DCAF1: variants seen among roughly 807,000 people sequenced by gnomAD.
DCAF1 encodes the protein DDB1 and CUL4 associated factor 1.
Under a neutral mutation model 128.0 loss-of-function variants are expected in DCAF1, and 15 were observed. The ratio of observed to expected loss-of-function variants is 0.12; its 90% CI spans 0.08 to 0.18. The LOEUF is 0.18. DCAF1 is among the 10% of genes least tolerant of loss of function. The probability of loss-of-function intolerance (pLI) is 1.00; values close to 1 mark genes in which losing one functional copy is unlikely to be tolerated. For missense variants in DCAF1, 988 were observed against 1,649.5 expected (o/e 0.60, Z 6.95); for synonymous variants, 610 against 603.0 (o/e 1.01, Z -0.17).
intron 24 of DCAF1, among the ~76,000 whole-genome samples, chr3:51,400,856 G>A (rs373631249): frequency 4.6e-5 from 7 of 152,172 alleles, no homozygotes; most frequent in South Asian, 2.1e-4. Context: ...GAATCAGGCC[G>A]GGTGCAGTGG....
At chr3:51,478,030 CAG>C (rs762305088) in intron 3 of DCAF1, among the ~76,000 whole-genome samples, 2 of 152,176 alleles carry the variant, frequency 1.3e-5, no homozygotes, top group South Asian at 2.1e-4. Context: ...GTTGTTGAGA[CAG>C]AGTCTCTCTT....
chr3:51,496,381 C>T (rs1264350636), intron 2 of DCAF1, among the ~76,000 whole-genome samples: 2 of 151,996 alleles, frequency 1.3e-5, no homozygotes, highest in African/African-American at 2.4e-5. Flanking sequence ...GAGCCGAGAT[C>T]GCGCCACTGC....
chr3:51,429,565 T>G, intron 11 of DCAF1, 95 bp from the exon 12 acceptor site: 1 of 695,176 alleles, frequency 1.4e-6, no homozygotes, highest in East Asian at 2.7e-5. Flanking sequence ...TAGTAAACTT[T>G]TTTTACTTTC....
At chr3:51,442,707 GAAA>G (rs1371321307) in intron 7 of DCAF1, among the ~76,000 whole-genome samples, 1 of 144,512 alleles carries the variant, frequency 6.9e-6, no homozygotes. Flanking sequence ...CTCAAAAAAA[GAAA>G]AAAAAAAGAG....
intron 5 of DCAF1, among the ~76,000 whole-genome samples, chr3:51,465,941 G>A (rs893720112): frequency 4.6e-5 from 7 of 152,176 alleles, no homozygotes; most frequent in Non-Finnish European, 8.8e-5. Context: ...GTTCACGTCT[G>A]TAATCCCAGC....
chr3:51,409,598 T>G (rs1316263245), intron 23 of DCAF1, among the ~76,000 whole-genome samples: 1 of 152,190 alleles, frequency 6.6e-6, no homozygotes, highest in Non-Finnish European at 1.5e-5. Context: ...GAACTGATAC[T>G]TGGTAGTGAT....
Position 51,456,671 on chromosome 3 carries a change from G to A in DCAF1, c.375+6443C>T, listed in dbSNP as rs556652617. ...AACTGGGAGGCACCCCCCAGTAGGG[G>A]CGGACTGACACCTCACACGGCTGGG... On this transcript the variant is annotated intron_variant, in intron 6 of 24. Coordinates refer to ENST00000684031, the MANE Select transcript of DCAF1 (RefSeq NM_001387579.1). Among the ~76,000 whole-genome samples, 4 of 152,310 alleles carry A rather than the reference G, an allele frequency of 2.6e-5. No homozygotes were observed. The South Asian group carries it at 8.3e-4, about 32-fold the overall frequency.
chr3:51,430,823 GATAA>G (rs1700304947), intron 10 of DCAF1, among the ~76,000 whole-genome samples: 1 of 152,224 alleles, frequency 6.6e-6, no homozygotes, highest in Admixed American at 6.5e-5. Context: ...AATAAGCAAA[GATAA>G]ATAATGTCAT....
chr3:51,477,757 A>C (rs1281778240), intron 3 of DCAF1, among the ~76,000 whole-genome samples: 2 of 152,180 alleles, frequency 1.3e-5, no homozygotes, highest in African/African-American at 4.8e-5. Flanking sequence ...CAAATAAGGA[A>C]GGTGAAGTTC....
chr3:51,436,505 G>A (rs930966535), intron 9 of DCAF1: 14 of 493,320 alleles, frequency 2.8e-5, no homozygotes, highest in East Asian at 2.8e-4. Flanking sequence ...ATTTTATGCA[G>A]CAGGGTGAAA....
At chr3:51,400,026 G>A (rs570032450) in intron 24 of DCAF1, among the ~76,000 whole-genome samples, 1 of 152,280 alleles carries the variant, frequency 6.6e-6, no homozygotes, top group African/African-American at 2.4e-5. Flanking sequence ...AAACTGAAGT[G>A]GACAAAGGAA....
At chr3:51,479,866 A>T (rs946587850) in intron 3 of DCAF1, among the ~76,000 whole-genome samples, 4 of 152,006 alleles carry the variant, frequency 2.6e-5, no homozygotes, top group Non-Finnish European at 5.9e-5. Context: ...AAATACATAC[A>T]TATGAATGAC....
chr3:51,411,766 A>T (rs1475027392), intron 23 of DCAF1, among the ~76,000 whole-genome samples: 1 of 152,080 alleles, frequency 6.6e-6, no homozygotes, highest in Admixed American at 6.6e-5. Context: ...ACATTGGGAG[A>T]TGCTTATCTG....
At chr3:51,431,618 G>T (rs551109467) in intron 10 of DCAF1, among the ~76,000 whole-genome samples, 95 of 152,054 alleles carry the variant, frequency 6.2e-4, no homozygotes, top group Middle Eastern at 6.8e-3. Flanking sequence ...GAACAGTTGG[G>T]ATGGTTTTAT....
intron 3 of DCAF1, among the ~76,000 whole-genome samples, chr3:51,482,828 T>C (rs1553653447): frequency 6.6e-6 from 1 of 150,670 alleles, no homozygotes; most frequent in African/African-American, 2.4e-5. Flanking sequence ...TAATTTTTTT[T>C]ATTTTTATTT....
Position 51,418,839 on chromosome 3 carries a change from C to T in DCAF1, c.3274G>A (p.Asp1092Asn). 1 of 1,613,784 alleles carries T rather than the reference C, an allele frequency of 6.2e-7. No individual in the cohort carries two copies. The highest frequency in any genetic ancestry group is 1.1e-5 in the South Asian group (1 of 91,052). The change falls in exon 16 of 25, where the codon GAT becomes AAT. Residue 1092 changes from aspartate to asparagine, a missense_variant. Coordinates refer to ENST00000684031, the MANE Select transcript of DCAF1 (RefSeq NM_001387579.1). ...GCACAGCAGGTGAAGCCACTCTCAT[C>T]TTCATTGGCTTCCCGGAACACTGAA... ...PISVFREANE[D>N]ESGFTCCAFS...
At chr3:51,396,191 C>T, downstream of DCAF1, 4 of 361,622 alleles carry the variant, frequency 1.1e-5, no homozygotes, top group Non-Finnish European at 2.1e-5. Context: ...TACCTCCCAG[C>T]TTTGTGAGAC....
In DCAF1 at chr3:51,414,088, T is replaced by C. The variant is rs367569254; in HGVS notation, c.3838-45A>G. 7.2e-6 allele frequency: 11 copies of C among 1,524,716 alleles called. No individual in the cohort carries two copies. In the African/African-American group the frequency reaches 1.1e-4, roughly 15 times the overall value. The allele number at this position is 1,524,716 out of a possible 1,614,324, so 94.4% of individuals were successfully genotyped here. ...GGAAAACTATTTTACACAAAACTTA[T>C]CTAATCTCATGGGAGGAAATTCTAA... On this transcript the variant is annotated intron_variant, in intron 19 of 24. Transcript: ENST00000684031.
intron 2 of DCAF1, among the ~76,000 whole-genome samples, chr3:51,485,554 A>G (rs1396911363): frequency 2.6e-5 from 4 of 152,238 alleles, no homozygotes; most frequent in African/African-American, 9.6e-5. Flanking sequence ...TAGCCTTAAA[A>G]TCAAAATGTC....
Sources: allele counts gnomAD v4.1 joint callset (sites outside exome capture counted in the v4.1 genomes callset), GRCh38; gene constraint gnomAD v4.1.1; transcripts MANE v1.5; gene names NCBI Gene and HGNC (gene_info 2026-07-23, HGNC 2026-07-21).